The following CCDC171 variants were observed in gnomAD, a reference collection of about 807,000 sequenced individuals.
The protein encoded by CCDC171 is coiled-coil domain containing 171, also known as coiled-coil domain-containing protein 171.
Under a neutral mutation model 168.2 loss-of-function variants are expected in CCDC171, and 177 were observed. The ratio of observed to expected loss-of-function variants is 1.05; its 90% CI spans 0.93 to 1.19. The LOEUF (loss-of-function observed/expected upper bound fraction) is 1.19. Ranked by LOEUF, CCDC171 falls within the 50% of genes most tolerant of loss-of-function variation. CCDC171 has a pLI of 0.00. For missense variants in CCDC171, 1,991 were observed against 1,539.0 expected, an observed-to-expected ratio of 1.29 and a Z score of -4.91; for synonymous variants, 687 against 540.8, an observed-to-expected ratio of 1.27 and a Z score of -3.75.
intron 20 of CCDC171, among the ~76,000 whole-genome samples, chr9:15,781,465 C>T (rs1002415006): frequency 2.3e-4 from 35 of 152,124 alleles, no homozygotes; most frequent in Middle Eastern, 3.4e-3. Context: ...TCACCCAGGC[C>T]GGAGTGCAGT....
Position 15,643,818 on chromosome 9 carries a change from A to G in CCDC171, c.823-13309A>G, listed in dbSNP as rs559113871. On this transcript the variant is annotated intron_variant, in intron 7 of 25. Transcript: ENST00000380701. ...CTGGACAATTCTTATCAATGAAATCATACAGCATGTGGTCTTTTGTATTTG... is the reference window on the plus strand; with the variant it reads ...CTGGACAATTCTTATCAATGAAATCGTACAGCATGTGGTCTTTTGTATTTG... Among the ~76,000 whole-genome samples, 7 of 152,320 alleles carry G rather than the reference A, an allele frequency of 4.6e-5. No individual in the cohort carries two copies. The South Asian group carries it at 1.4e-3, about 32-fold the overall frequency.
chr9:15,738,352 A>G (rs1281750500), intron 16 of CCDC171, among the ~76,000 whole-genome samples: 1 of 152,214 alleles, frequency 6.6e-6, no homozygotes, highest in African/African-American at 2.4e-5. Context: ...TTTATTAGAG[A>G]GTAAAGGAAA....
chr9:15,576,193 CT>C (rs1407777665), intron 3 of CCDC171, among the ~76,000 whole-genome samples: 1 of 148,474 alleles, frequency 6.7e-6, no homozygotes, highest in African/African-American at 2.5e-5. Flanking sequence ...TGTTTTAAAT[CT>C]TTTTTTAGAG....
intron 23 of CCDC171, among the ~76,000 whole-genome samples, chr9:15,869,763 G>T (rs764795391): frequency 3.3e-5 from 5 of 151,804 alleles, no homozygotes; most frequent in Non-Finnish European, 5.9e-5. Flanking sequence ...ACTTGAAAAT[G>T]TATCAGGAGA....
At chr9:15,678,600 A>T (rs577310297) in intron 9 of CCDC171, among the ~76,000 whole-genome samples, 158 bp from the exon 10 acceptor site, 4 of 152,330 alleles carry the variant, frequency 2.6e-5, no homozygotes, top group African/African-American at 9.6e-5. Flanking sequence ...TCATTTAAGA[A>T]TATTCAGTAC....
intron 7 of CCDC171, among the ~76,000 whole-genome samples, chr9:15,628,796 G>T (rs2045406741): frequency 1.3e-5 from 2 of 152,192 alleles, no homozygotes; most frequent in Admixed American, 1.3e-4. Flanking sequence ...GAGGCAGACT[G>T]ACACCTCACA....
At chr9:15,969,992 T>C (rs540143099) in intron 25 of CCDC171, among the ~76,000 whole-genome samples, 1 of 152,346 alleles carries the variant, frequency 6.6e-6, no homozygotes, top group South Asian at 2.1e-4. Flanking sequence ...AACACACGAT[T>C]TTGGAAGTTG....
chr9:15,953,204 C>T (rs918349732), intron 25 of CCDC171, among the ~76,000 whole-genome samples: 11 of 152,130 alleles, frequency 7.2e-5, no homozygotes, highest in Non-Finnish European at 1.5e-4. Context: ...CTAGGCCTTC[C>T]AGTACTATGT....
At chr9:16,089,765 C>G in the CCDC171 span, among the ~76,000 whole-genome samples, 1 of 151,442 alleles carries the variant, frequency 6.6e-6, no homozygotes, top group African/African-American at 2.4e-5. Flanking sequence ...AAAAAATGGG[C>G]AAAGGATATG....
intron 11 of CCDC171, among the ~76,000 whole-genome samples, chr9:15,718,691 C>G (rs2053253689): frequency 6.6e-6 from 1 of 152,190 alleles, no homozygotes; most frequent in Non-Finnish European, 1.5e-5. Context: ...CTAGAGAATT[C>G]CTCTGAATTT....
chr9:15,685,275 A>G (rs1007664837), intron 10 of CCDC171, among the ~76,000 whole-genome samples: 2 of 152,184 alleles, frequency 1.3e-5, no homozygotes, highest in African/African-American at 4.8e-5. Flanking sequence ...TTCATTCTCA[A>G]ATTCCTTGTA....
chr9:16,087,820 G>A, the CCDC171 span, among the ~76,000 whole-genome samples: 17 of 152,098 alleles, frequency 1.1e-4, no homozygotes, highest in African/African-American at 4.1e-4. Flanking sequence ...CCCTTTAGTT[G>A]ATGCAGTTTC....
At chr9:15,731,700 T>A (rs2054160950) in intron 16 of CCDC171, among the ~76,000 whole-genome samples, 1 of 152,124 alleles carries the variant, frequency 6.6e-6, no homozygotes, top group African/African-American at 2.4e-5. Flanking sequence ...TGGTTTTATT[T>A]CTCTCGCTTA....
intron 7 of CCDC171, among the ~76,000 whole-genome samples, chr9:15,636,345 A>G (rs893072924): frequency 2.0e-5 from 3 of 152,172 alleles, no homozygotes; most frequent in Non-Finnish European, 4.4e-5. Context: ...TTGAAATAGT[A>G]TTTTAACATA....
At chr9:15,634,926 T>G (rs2046083253) in intron 7 of CCDC171, among the ~76,000 whole-genome samples, 1 of 152,212 alleles carries the variant, frequency 6.6e-6, no homozygotes, top group South Asian at 2.1e-4. Flanking sequence ...TTCTTTCACT[T>G]AGCATAATGT....
chr9:15,569,692 G>A (rs939041640), intron 2 of CCDC171, among the ~76,000 whole-genome samples: 1 of 151,694 alleles, frequency 6.6e-6, no homozygotes, highest in Admixed American at 6.6e-5. Context: ...GCGGGCGCCT[G>A]TAGTCCCAGC....
chr9:15,913,563 T>C (rs1554679267), intron 24 of CCDC171, among the ~76,000 whole-genome samples: 2 of 152,224 alleles, frequency 1.3e-5, no homozygotes, highest in Non-Finnish European at 2.9e-5. Flanking sequence ...TTTCTTGTCT[T>C]AGCTTCCTTG....
At chr9:15,598,851 T>C (rs1299268550) in intron 6 of CCDC171, among the ~76,000 whole-genome samples, 1 of 152,188 alleles carries the variant, frequency 6.6e-6, no homozygotes, top group African/African-American at 2.4e-5. Flanking sequence ...GGTGCATATA[T>C]ATTTAGGATA....
intron 3 of CCDC171, among the ~76,000 whole-genome samples, chr9:16,007,259 G>A (rs1589319258): frequency 6.6e-6 from 1 of 152,052 alleles, no homozygotes; most frequent in Non-Finnish European, 1.5e-5. Flanking sequence ...CATATCCTTT[G>A]CCCACTTTTG....
Sources: allele counts gnomAD v4.1 joint callset (sites outside exome capture counted in the v4.1 genomes callset), GRCh38; gene constraint gnomAD v4.1.1; transcripts MANE v1.5; gene names NCBI Gene and HGNC (gene_info 2026-07-23, HGNC 2026-07-21).